FAM53A: variants seen among roughly 807,000 people sequenced by gnomAD.
FAM53A encodes family with sequence similarity 53 member A.
FAM53A carries 28 observed loss-of-function variants against 26.6 expected under a neutral mutation model. That is an observed-to-expected ratio of 1.05 (90% CI 0.78 to 1.45). The LOEUF (loss-of-function observed/expected upper bound fraction) is 1.45, where lower values mean the gene tolerates loss of function less well. FAM53A is among the 40% of genes most tolerant of loss of function. The pLI is 0.00. For synonymous variants in FAM53A, 290 were observed against 253.1 expected (o/e 1.15, Z -1.38); for missense variants, 650 against 575.8 (o/e 1.13, Z -1.32).
At chr4:1,636,527 G>A (rs956678075), downstream of FAM53A, among the ~76,000 whole-genome samples, 1 of 152,226 alleles carries the variant, frequency 6.6e-6, no homozygotes, top group African/African-American at 2.4e-5. Flanking sequence ...CCCGCTGTAC[G>A]TGGACTCACT....
intron 1 of FAM53A, among the ~76,000 whole-genome samples, chr4:1,682,092 C>G (rs1288614741): frequency 1.3e-5 from 2 of 152,050 alleles, no homozygotes; most frequent in Non-Finnish European, 2.9e-5. Context: ...TCATGAGGCT[C>G]CAAGGAATCA....
At chr4:1,683,645 A>G (rs186164431) in intron 1 of FAM53A, 2 of 152,308 alleles carry the variant, frequency 1.3e-5, no homozygotes, top group Non-Finnish European at 2.9e-5. Flanking sequence ...AGAGTTATGG[A>G]AACTTAGCTT....
chr4:1,592,405 C>T, the FAM53A span, among the ~76,000 whole-genome samples: 3 of 152,240 alleles, frequency 2.0e-5, no homozygotes, highest in Non-Finnish European at 4.4e-5. Flanking sequence ...CAGATTACCC[C>T]CAAAGTCCCG....
intron 1 of FAM53A, among the ~76,000 whole-genome samples, chr4:1,620,138 C>T (rs2108741332): frequency 6.6e-6 from 1 of 150,798 alleles, no homozygotes; most frequent in East Asian, 2.0e-4. Flanking sequence ...ACCTGGGAGA[C>T]AGAGGTTGCA....
intron 1 of FAM53A, among the ~76,000 whole-genome samples, chr4:1,679,770 C>T (rs1032578191): frequency 2.7e-5 from 4 of 150,918 alleles, no homozygotes; most frequent in Non-Finnish European, 4.4e-5. Context: ...CAACTGGGGC[C>T]GGGTGTGGTG....
chr4:1,610,743 C>T, the FAM53A span, among the ~76,000 whole-genome samples: 1 of 151,986 alleles, frequency 6.6e-6, no homozygotes, highest in Admixed American at 6.5e-5. Flanking sequence ...GCTGGAGGGG[C>T]ACCTCCCAGG....
rs557474730 is a variant in FAM53A at position 1,662,636 on chromosome 4, C to T, written c.76-5168G>A. Among the ~76,000 whole-genome samples, 614 of 125,368 alleles carry T rather than the reference C, an allele frequency of 4.9e-3. 6 individuals are homozygous for T. Among genetic ancestry groups the T allele is most frequent in the African/African-American group, 0.018 (593 of 32,536 alleles). The allele number at this position is 125,368 out of a possible 152,430, so 82.2% of individuals were successfully genotyped here. On this transcript the variant is annotated intron_variant, in intron 2 of 4. Transcript: ENST00000308132. ...CTGCACTCCAGCCTGGGCAACAAAG[C>T]AAGGCCCTGTCTCAAAAAAAAAAAA...
rs565327186 is a variant in FAM53A, at chr4:1,651,630, G to A, written c.882+3348C>T. Among the ~76,000 whole-genome samples the A allele has an allele frequency of 2.4e-4, 37 of 152,170 alleles. 1 individual carries two copies. In the South Asian group the frequency reaches 7.1e-3, roughly 29 times the overall value. ...TATCAAGGCCTGAGGCAGAATAACC[G>A]GGGTCAAGAGGAAGGAGGACTGAAT... On this transcript the variant is annotated intron_variant, in intron 4 of 4. Coordinates refer to ENST00000308132, the MANE Select transcript of FAM53A (RefSeq NM_001174070.3).
downstream of FAM53A, among the ~76,000 whole-genome samples, chr4:1,639,616 G>A (rs907038120): frequency 4.6e-5 from 7 of 152,162 alleles, no homozygotes; most frequent in Non-Finnish European, 8.8e-5. Context: ...CCAGGAAGGG[G>A]GATCCCACTT....
chr4:1,646,016 C>T (rs4865453), intron 4 of FAM53A, among the ~76,000 whole-genome samples: 31,594 of 152,046 alleles, frequency 0.21, 3,892 homozygotes, highest in Admixed American at 0.3. Context: ...GACACAGCCA[C>T]AAGAGGCCAT....
the FAM53A span, among the ~76,000 whole-genome samples, chr4:1,597,838 G>A: frequency 0.58 from 87,769 of 152,158 alleles, 25,900 homozygotes; most frequent in African/African-American, 0.67. Flanking sequence ...TCTACTAAAA[G>A]TACAAAAATT....
At chr4:1,591,549 A>G in the FAM53A span, among the ~76,000 whole-genome samples, 1 of 152,194 alleles carries the variant, frequency 6.6e-6, no homozygotes, top group Admixed American at 6.5e-5. Context: ...CAGCAACTGC[A>G]ACACCCCACA....
rs538996628 is a variant in FAM53A at position 1,678,846 on chromosome 4, A to T, written c.-165+5387T>A. ...CAAAAAAAAGACATGGAGTGTATGG[A>T]CCCCCTTCATGAAAACTAACTCAAA... On this transcript the variant is annotated intron_variant, in intron 1 of 4. Transcript: ENST00000308132. Among the ~76,000 whole-genome samples the T allele has an allele frequency of 3.3e-5, 5 of 152,036 alleles. No individual in the cohort carries two copies. The South Asian group carries it at 1.0e-3, about 32-fold the overall frequency.
chr4:1,642,168 A>G (rs1421930118), intron 4 of FAM53A, among the ~76,000 whole-genome samples: 1 of 152,104 alleles, frequency 6.6e-6, no homozygotes, highest in Non-Finnish European at 1.5e-5. Flanking sequence ...CACCAGACGC[A>G]GCTCCCACCT....
At chr4:1,594,197 C>T in the FAM53A span, among the ~76,000 whole-genome samples, 3 of 152,210 alleles carry the variant, frequency 2.0e-5, no homozygotes, top group Admixed American at 6.5e-5. Context: ...GCAGCGGCCC[C>T]GCCTCCAGCG....
At position 1,661,383 on chromosome 4, in the gene FAM53A, T is replaced by G. The variant is rs76695420; in HGVS notation, c.76-3915A>C. 6.1e-3 allele frequency among the ~76,000 whole-genome samples: 935 copies of G among 152,232 alleles called. 10 individuals carry two copies. Among genetic ancestry groups the G allele is most frequent in the African/African-American group, 0.021 (879 of 41,522 alleles). ...GCTCTACTTTTTTCCTGATGCACTA[T>G]CGCGACTCCTCAGTCACCTGCTTCC... is the stretch of plus-strand genomic sequence containing the variant. On this transcript the variant is annotated intron_variant, in intron 2 of 4. Transcript: ENST00000308132.
intron 2 of FAM53A, among the ~76,000 whole-genome samples, chr4:1,667,548 C>G (rs142398914): frequency 0.011 from 1,699 of 152,216 alleles, 16 homozygotes; most frequent in Non-Finnish European, 0.018. Flanking sequence ...CACATGCCAC[C>G]TCCCACAGCC....
chr4:1,605,273 G>A, the FAM53A span, among the ~76,000 whole-genome samples: 1 of 152,188 alleles, frequency 6.6e-6, no homozygotes, highest in East Asian at 1.9e-4. This position sits in a 1 kb window ranked among gnomAD's most constrained non-coding sequence, Gnocchi z 5.7. Context: ...AGCTGGGACT[G>A]GAGTCGGAAC....
chr4:1,599,549 G>A, the FAM53A span, among the ~76,000 whole-genome samples: 1 of 152,198 alleles, frequency 6.6e-6, no homozygotes, highest in Non-Finnish European at 1.5e-5. The surrounding 1 kb of genome is among the most constrained non-coding windows in gnomAD (Gnocchi z 6.1). Flanking sequence ...GCATGAGAAA[G>A]AATTGTGCAA....
Sources: gnomAD v4.1 joint callset for allele counts (sites outside exome capture counted in the v4.1 genomes callset) on GRCh38, gnomAD v4.1.1 for gene constraint, Gnocchi (gnomAD v3.1) non-coding constraint, MANE v1.5 for transcripts, NCBI Gene and HGNC (gene_info 2026-07-23, HGNC 2026-07-21) for gene names.